Variants in PIGN observed in about 807,000 individuals in gnomAD.
PIGN encodes GPI ethanolamine phosphate transferase 1.
Under a neutral mutation model 125.4 loss-of-function variants are expected in PIGN, and 117 were observed. The observed-to-expected ratio is 0.93, with a 90% CI of 0.80 to 1.09. The LOEUF is 1.09. Ranked by LOEUF, PIGN falls within the 50% of genes least tolerant of loss-of-function variation. The pLI, the probability that PIGN is intolerant of heterozygous loss-of-function variation, is 0.00. For synonymous variants in PIGN, 392 were observed against 377.8 expected (o/e 1.04, Z -0.44); for missense variants, 1,075 against 1,094.9 (o/e 0.98, Z 0.26).
chr18:62,023,352 T>C (rs961919177), intron 23 of PIGN, among the ~76,000 whole-genome samples: 3 of 152,248 alleles, frequency 2.0e-5, no homozygotes, highest in East Asian at 1.9e-4. Flanking sequence ...ATTGCTTCTT[T>C]CACTTAGCAT....
intron 14 of PIGN, chr18:62,137,408 C>T (rs1012274702): frequency 3.7e-5 from 11 of 297,644 alleles, no homozygotes; most frequent in Non-Finnish European, 6.1e-5. Flanking sequence ...TTATGTGAGT[C>T]AATACTCCTT....
At position 62,139,155 on chromosome 18, in the gene PIGN, C is replaced by A; in HGVS notation, c.1024-80G>T. The stretch of plus-strand genomic sequence containing the variant: ...TTATAAAACAAAACAGACTTAAAAG[C>A]AATAAAGATAAGGCATATGGACAAA... On this transcript the variant is annotated intron_variant, in intron 12 of 30. Coordinates refer to ENST00000640252, the MANE Select transcript of PIGN (RefSeq NM_176787.5). The A allele has an allele frequency of 5.2e-6, 4 of 770,674 alleles. No individual in the cohort carries two copies. The South Asian group carries it at 5.5e-5, about 11-fold the overall frequency. The allele number at this position is 770,674 out of a possible 1,614,324, so 47.7% of individuals were successfully genotyped here. A position where few individuals can be genotyped will look rare whatever the true frequency, so the allele number is the denominator to read the frequency against.
chr18:62,048,695 C>CT (rs71160810), intron 30 of PIGN, among the ~76,000 whole-genome samples: 83,989 of 139,522 alleles, frequency 0.6, 25,235 homozygotes, highest in East Asian at 0.78. Flanking sequence ...GTTTTCTTTT[C>CT]TTTTTTTTTT....
At chr18:62,064,909 C>T (rs1277148004) in intron 30 of PIGN, among the ~76,000 whole-genome samples, 1 of 96,438 alleles carries the variant, frequency 1.0e-5, no homozygotes, top group East Asian at 3.3e-4. Flanking sequence ...AACAGCTGAA[C>T]TTGACACTTC....
In PIGN at chr18:62,135,283, A is replaced by G. The variant is rs146904221; in HGVS notation, c.1172+2960T>C. On this transcript the variant is annotated intron_variant, in intron 14 of 30. Coordinates refer to ENST00000640252, the MANE Select transcript of PIGN (RefSeq NM_176787.5). ...GTTCCTTGAATTTCATATGACCTCA[A>G]GAGTCCATTTCTCATGTTATCTTAG... Among the ~76,000 whole-genome samples, 622 of 152,274 alleles carry G rather than the reference A, an allele frequency of 4.1e-3. 6 individuals carry two copies. The highest frequency in any genetic ancestry group is 0.014 in the African/African-American group (598 of 41,558).
chr18:62,158,911 GT>G (rs2036838407), intron 4 of PIGN, among the ~76,000 whole-genome samples: 1 of 152,194 alleles, frequency 6.6e-6, no homozygotes, highest in South Asian at 2.1e-4. Context: ...AAAAGCATTA[GT>G]TTAGATACTG....
chr18:62,019,797 A>G (rs2144856924), intron 23 of PIGN, among the ~76,000 whole-genome samples: 1 of 152,380 alleles, frequency 6.6e-6, no homozygotes, highest in South Asian at 2.1e-4. Flanking sequence ...AAAATATATG[A>G]AATTACAGTT....
intron 23 of PIGN, among the ~76,000 whole-genome samples, chr18:62,026,695 T>A (rs1488727824): frequency 6.6e-6 from 1 of 152,224 alleles, no homozygotes; most frequent in Non-Finnish European, 1.5e-5. Flanking sequence ...ACAGCCTTCC[T>A]GACTCTGCCT....
At chr18:62,108,081 C>G (rs2034723318) in intron 17 of PIGN, among the ~76,000 whole-genome samples, 1 of 152,142 alleles carries the variant, frequency 6.6e-6, no homozygotes, top group South Asian at 2.1e-4. Flanking sequence ...CTGAAAGCAA[C>G]AGCTGCAGAA....
At chr18:62,177,176 T>C (rs2037555809) in intron 1 of PIGN, among the ~76,000 whole-genome samples, 1 of 152,194 alleles carries the variant, frequency 6.6e-6, no homozygotes, top group South Asian at 2.1e-4. Flanking sequence ...TGGTGTCCCA[T>C]AGGTCCCTAT....
At chr18:62,084,466 C>A (rs1416546357) in intron 27 of PIGN, 65 bp downstream of exon 27, 13 of 1,061,488 alleles carry the variant, frequency 1.2e-5, no homozygotes, top group Middle Eastern at 2.1e-4. Flanking sequence ...TTAACTCTGT[C>A]TAAATGACTT....
chr18:62,137,886 A>C (rs1245349888), intron 14 of PIGN: 1 of 187,986 alleles, frequency 5.3e-6, no homozygotes, highest in Non-Finnish European at 1.1e-5. Context: ...TTCTTCTTTC[A>C]AAAAGCCATA....
At chr18:62,173,521 A>T (rs1308455280) in intron 1 of PIGN, among the ~76,000 whole-genome samples, 1 of 152,190 alleles carries the variant, frequency 6.6e-6, no homozygotes, top group Non-Finnish European at 1.5e-5. Context: ...TGTGTAAGCC[A>T]TTGCACCCAG....
chr18:62,097,089 A>C (rs531457068), intron 22 of PIGN, among the ~76,000 whole-genome samples: 29 of 150,762 alleles, frequency 1.9e-4, no homozygotes, highest in African/African-American at 6.1e-4. Context: ...TAATTAAACT[A>C]AAGAGCTTCT....
At chr18:62,092,125 T>C (rs992000504) in intron 23 of PIGN, among the ~76,000 whole-genome samples, 46 of 152,098 alleles carry the variant, frequency 3.0e-4, no homozygotes, top group African/African-American at 1.1e-3. Flanking sequence ...TCACTTGATA[T>C]ATAAGACTTA....
intron 30 of PIGN, among the ~76,000 whole-genome samples, chr18:62,071,738 T>C (rs1376104684): frequency 6.6e-6 from 1 of 151,698 alleles, no homozygotes; most frequent in Non-Finnish European, 1.5e-5. Flanking sequence ...GCCAGTCCTA[T>C]AAAAGTCTGG....
At chr18:62,122,894 A>G (rs1003372867) in intron 14 of PIGN, among the ~76,000 whole-genome samples, 2 of 152,164 alleles carry the variant, frequency 1.3e-5, no homozygotes, top group Admixed American at 6.5e-5. Flanking sequence ...TTCATCTATA[A>G]AGTCTCTGGG....
chr18:62,109,676 T>C (rs561896742), intron 17 of PIGN, among the ~76,000 whole-genome samples, 158 bp downstream of exon 17: 1 of 152,324 alleles, frequency 6.6e-6, no homozygotes, highest in East Asian at 1.9e-4. Context: ...CTACTCAACA[T>C]TTATGCAGTT....
chr18:62,053,810 C>T (rs140866487), intron 30 of PIGN, among the ~76,000 whole-genome samples: 44 of 152,314 alleles, frequency 2.9e-4, no homozygotes, highest in African/African-American at 1.0e-3. Flanking sequence ...ATGCTCTTTT[C>T]AAGTGCTCAT....
Sources: gnomAD v4.1 joint callset for allele counts (sites outside exome capture counted in the v4.1 genomes callset) on GRCh38, gnomAD v4.1.1 for gene constraint, MANE v1.5 for transcripts, NCBI Gene and HGNC (gene_info 2026-07-23, HGNC 2026-07-21) for gene names.